MRNIP: variants seen among roughly 807,000 people sequenced by gnomAD.
MRNIP encodes MRN complex interacting protein, also known as MRN complex-interacting protein.
A neutral mutation model predicts 29.8 loss-of-function variants in MRNIP; 30 were observed. The observed-to-expected ratio is 1.01, with a 90% CI of 0.75 to 1.36. The LOEUF (loss-of-function observed/expected upper bound fraction) is 1.36, where lower values mean the gene tolerates loss of function less well. Among genes scored for constraint, MRNIP ranks in the 40% most tolerant of loss-of-function variants. The probability of loss-of-function intolerance (pLI) is 0.00; values close to 1 mark genes in which losing one functional copy is unlikely to be tolerated. For missense variants in MRNIP, 459 were observed against 423.5 expected (o/e 1.08, Z -0.74); for synonymous variants, 201 against 164.1 (o/e 1.23, Z -1.72).
intron 2 of MRNIP, among the ~76,000 whole-genome samples, chr5:179,852,753 A>G (rs542465413): frequency 6.6e-6 from 1 of 152,328 alleles, no homozygotes; most frequent in African/African-American, 2.4e-5. Flanking sequence ...TGGAGCAGGA[A>G]AAGAGCAAGT....
intron 6 of MRNIP, 100 bp from the exon 7 acceptor site, chr5:179,837,985 G>A: frequency 8.8e-7 from 1 of 1,141,480 alleles, no homozygotes; most frequent in Non-Finnish European, 1.2e-6. Context: ...CTCTGGTTCT[G>A]ACACTTTCTG....
chr5:179,846,649 C>T (rs1759142669), intron 3 of MRNIP, among the ~76,000 whole-genome samples: 1 of 152,176 alleles, frequency 6.6e-6, no homozygotes, highest in Non-Finnish European at 1.5e-5. Flanking sequence ...TTTACCTCTG[C>T]TTCCTGGGAC....
chr5:179,840,775 T>C, intron 6 of MRNIP, 97 bp downstream of exon 6: 1 of 918,898 alleles, frequency 1.1e-6, no homozygotes, highest in South Asian at 1.4e-5. Flanking sequence ...TTTCTGCGGG[T>C]AGGAATCGCA....
At chr5:179,843,787 C>G (rs936050531) in intron 4 of MRNIP, among the ~76,000 whole-genome samples, 11 of 151,962 alleles carry the variant, frequency 7.2e-5, no homozygotes, top group Non-Finnish European at 1.5e-4. Flanking sequence ...CAGTCTGGAA[C>G]AAGGAAAGAT....
intron 6 of MRNIP, chr5:179,838,137 G>A (rs1758696378): frequency 1.8e-6 from 1 of 567,524 alleles, no homozygotes; most frequent in Non-Finnish European, 3.1e-6. Flanking sequence ...ATGTCATCAG[G>A]TGATCCATCT....
rs772407110 is a variant in MRNIP at position 179,844,244 on chromosome 5, A to G, written c.216-17T>C. The G allele has an allele frequency of 2.7e-5, 43 of 1,607,792 alleles. No individual in the cohort carries two copies. Among genetic ancestry groups the G allele is most frequent in the Non-Finnish European group, 4.3e-6 (5 of 1,174,586 alleles). ...TCTAGAGACCTTCAGGGAAGACCAT[A>G]CATATGCCCTTTGAAAAATGACCAG... On this transcript the variant is annotated splice_polypyrimidine_tract_variant and intron_variant, in intron 3 of 6. Coordinates refer to ENST00000292586, the MANE Select transcript of MRNIP (RefSeq NM_016175.4).
chr5:179,837,323 A>C lies in MRNIP; in HGVS notation c.*68T>G. On this transcript the variant is annotated 3_prime_UTR_variant, in exon 7 of 7. Coordinates refer to ENST00000292586, the MANE Select transcript of MRNIP (RefSeq NM_016175.4). ...TAATGGTTCTTACAGAGTATCTTTA[A>C]AAGTGCCTTAGGGGAACCCTGTCCC... The C allele has an allele frequency of 6.3e-7, 1 of 1,589,474 alleles. No individual in the cohort carries two copies. The highest frequency in any genetic ancestry group is 1.3e-5 in the African/African-American group (1 of 74,276).
intron 6 of MRNIP, 70 bp downstream of exon 6, chr5:179,840,802 A>G (rs1285774102): frequency 3.5e-6 from 4 of 1,152,628 alleles, no homozygotes; most frequent in Admixed American, 1.9e-5. Flanking sequence ...GTCAACTGTG[A>G]CAAAAGACAG....
At chr5:179,845,664 T>A (rs1759097493) in intron 3 of MRNIP, among the ~76,000 whole-genome samples, 1 of 151,068 alleles carries the variant, frequency 6.6e-6, no homozygotes, top group African/African-American at 2.4e-5. Flanking sequence ...CCCAATTGAC[T>A]TTTGTATTTT....
chr5:179,840,760 T>G, intron 6 of MRNIP, 112 bp downstream of exon 6: 1 of 822,194 alleles, frequency 1.2e-6, no homozygotes, highest in Non-Finnish European at 2.0e-6. Flanking sequence ...GGTGGGAAGA[T>G]GGGCTTTCTG....
At chr5:179,849,265 T>G (rs1265217855) in intron 2 of MRNIP, among the ~76,000 whole-genome samples, 1 of 82,556 alleles carries the variant, frequency 1.2e-5, no homozygotes. Flanking sequence ...AATTTGAGAG[T>G]ACGGGTCCTG....
chr5:179,845,068 A>G (rs892008362), intron 3 of MRNIP, among the ~76,000 whole-genome samples: 3 of 152,166 alleles, frequency 2.0e-5, no homozygotes, highest in Admixed American at 6.5e-5. Context: ...ACGTCTCTCA[A>G]CTTTCCCTTA....
At chr5:179,843,545 C>T (rs1759003247) in intron 4 of MRNIP, among the ~76,000 whole-genome samples, 1 of 151,892 alleles carries the variant, frequency 6.6e-6, no homozygotes, top group Non-Finnish European at 1.5e-5. Flanking sequence ...TTGAGACCAG[C>T]CTAGACAACA....
chr5:179,852,316 T>C (rs1005431683), intron 2 of MRNIP, among the ~76,000 whole-genome samples: 36 of 151,238 alleles, frequency 2.4e-4, no homozygotes, highest in African/African-American at 8.5e-4. Flanking sequence ...AAAACAGCAA[T>C]TTAACTTTTA....
intron 2 of MRNIP, among the ~76,000 whole-genome samples, chr5:179,849,496 A>G (rs185335220): frequency 0.011 from 1,624 of 145,926 alleles, 31 homozygotes; most frequent in African/African-American, 0.04. Flanking sequence ...GGCAGATGGT[A>G]AGAGATGGAA....
chr5:179,848,529 C>A (rs932056878), intron 2 of MRNIP, among the ~76,000 whole-genome samples: 2 of 152,114 alleles, frequency 1.3e-5, no homozygotes, highest in African/African-American at 2.4e-5. Context: ...TTATTGAATA[C>A]CAACTGTGTG....
At chr5:179,849,153 G>A (rs990824490) in intron 2 of MRNIP, among the ~76,000 whole-genome samples, 8 of 148,498 alleles carry the variant, frequency 5.4e-5, no homozygotes, top group Non-Finnish European at 5.9e-5. Flanking sequence ...GGTACAAGAC[G>A]GAATTTGAGA....
At chr5:179,856,416 T>C (rs1231154435) in intron 1 of MRNIP, among the ~76,000 whole-genome samples, 3 of 152,170 alleles carry the variant, frequency 2.0e-5, no homozygotes, top group Non-Finnish European at 2.9e-5. Context: ...CACAGCCGAC[T>C]TGCAATTAAA....
At chr5:179,842,994 C>T (rs1029020068) in intron 4 of MRNIP, among the ~76,000 whole-genome samples, 25 of 139,746 alleles carry the variant, frequency 1.8e-4, no homozygotes, top group Admixed American at 6.9e-4. Context: ...GATCACGCCA[C>T]TGCACTCCGG....
Sources: gnomAD v4.1 joint callset for allele counts (sites outside exome capture counted in the v4.1 genomes callset) on GRCh38, gnomAD v4.1.1 for gene constraint, MANE v1.5 for transcripts, NCBI Gene and HGNC (gene_info 2026-07-23, HGNC 2026-07-21) for gene names.